Variants in CSMD3 observed in about 807,000 individuals in gnomAD.
CSMD3 encodes the protein CUB and Sushi multiple domains 3.
CSMD3 carries 177 observed loss-of-function variants against 435.2 expected under a neutral mutation model. The ratio of observed to expected loss-of-function variants is 0.41; its 90% CI spans 0.36 to 0.46. CSMD3 has a LOEUF of 0.46. Ranked by LOEUF, CSMD3 falls within the 20% of genes least tolerant of loss-of-function variation. The pLI is 0.34. For missense variants in CSMD3, 4,265 were observed against 4,504.6 expected (o/e 0.95, Z 1.52); for synonymous variants, 1,656 against 1,520.5 (o/e 1.09, Z -2.07).
rs1368908679 is a variant in CSMD3, at chr8:112,383,498, T to C, written c.6031+69A>G. ...AAAACTACCAAGTAAGAGTTGTAGA[T>C]AGCTCTTTAATTTTTTTTATATTCC... On this transcript the variant is annotated intron_variant, in intron 37 of 70. Transcript: ENST00000297405. The C allele has an allele frequency of 4.7e-6, 4 of 855,496 alleles. 1 individual carries two copies. The highest frequency in any genetic ancestry group is 2.4e-4 in the Middle Eastern group (1 of 4,108). The allele number at this position is 855,496 out of a possible 1,614,324, so 53.0% of individuals were successfully genotyped here.
chr8:112,313,367 A>T (rs1822162357), intron 49 of CSMD3, among the ~76,000 whole-genome samples: 1 of 152,112 alleles, frequency 6.6e-6, no homozygotes. Context: ...ATATTTTAGC[A>T]AGTATCACAA....
chr8:112,231,664 A>T, intron 68 of CSMD3, 32 bp from the exon 69 acceptor site: 4 of 1,191,776 alleles, frequency 3.4e-6, no homozygotes, highest in Non-Finnish European at 5.0e-6. Context: ...AATATACTTG[A>T]ATACTGGCCA....
chr8:112,471,556 T>C (rs1287697925), intron 32 of CSMD3, among the ~76,000 whole-genome samples: 1 of 152,176 alleles, frequency 6.6e-6, no homozygotes, highest in Non-Finnish European at 1.5e-5. Flanking sequence ...TAGTACTACA[T>C]TTCTGATGAC....
chr8:112,305,861 A>C (rs183190776), intron 51 of CSMD3, 146 bp downstream of exon 51: 1 of 734,668 alleles, frequency 1.4e-6, no homozygotes, highest in East Asian at 2.7e-5. Context: ...TTCATTGTAC[A>C]AGATAGCTTA....
chr8:112,610,611 A>G (rs1018308993), intron 22 of CSMD3, among the ~76,000 whole-genome samples: 2 of 152,148 alleles, frequency 1.3e-5, no homozygotes, highest in Admixed American at 6.5e-5. Context: ...ATGTCCAAAG[A>G]CCATTTTTAC....
chr8:112,642,084 A>T (rs1365666171), intron 20 of CSMD3, among the ~76,000 whole-genome samples: 1 of 152,094 alleles, frequency 6.6e-6, no homozygotes, highest in Non-Finnish European at 1.5e-5. Context: ...TTATGTTTAT[A>T]TATATATATA....
At chr8:112,674,972 T>C (rs866781058) in intron 16 of CSMD3, among the ~76,000 whole-genome samples, 22 of 152,122 alleles carry the variant, frequency 1.4e-4, no homozygotes, top group African/African-American at 4.6e-4. Context: ...TAGATCTCCC[T>C]AGCTTTTGCT....
intron 11 of CSMD3, among the ~76,000 whole-genome samples, chr8:112,855,373 T>C (rs1383732207): frequency 3.3e-5 from 5 of 152,174 alleles, no homozygotes; most frequent in Admixed American, 1.3e-4. Flanking sequence ...ATTTTAAATA[T>C]AGTTTTCTCA....
intron 4 of CSMD3, among the ~76,000 whole-genome samples, chr8:113,116,764 T>C (rs1422452397): frequency 6.6e-6 from 1 of 152,124 alleles, no homozygotes; most frequent in Non-Finnish European, 1.5e-5. Context: ...TTGACAAAAA[T>C]GCTGATAGTG....
At chr8:112,291,463 G>A (rs1819755927) in intron 56 of CSMD3, 47 bp downstream of exon 56, 1 of 1,241,430 alleles carries the variant, frequency 8.1e-7, no homozygotes, top group Non-Finnish European at 1.2e-6. Flanking sequence ...ACATTCCTAT[G>A]GTTTCCATGA....
intron 8 of CSMD3, among the ~76,000 whole-genome samples, chr8:112,953,580 A>C (rs559564491): frequency 9.9e-4 from 150 of 151,544 alleles, no homozygotes; most frequent in African/African-American, 3.4e-3. Flanking sequence ...TAATATTCTC[A>C]AGTCTAACTA....
intron 4 of CSMD3, among the ~76,000 whole-genome samples, chr8:113,151,120 TTAG>T (rs1359543100): frequency 1.3e-5 from 2 of 152,024 alleles, no homozygotes; most frequent in South Asian, 4.1e-4. Context: ...AAAAGTGAAG[TTAG>T]TAGGTGAAAA....
rs116932472 is a variant in CSMD3, at chr8:113,360,904, T to C, written c.179-46111A>G. 3.5e-4 allele frequency among the ~76,000 whole-genome samples: 53 copies of C among 152,278 alleles called. 2 individuals carry two copies. In the East Asian group the frequency reaches 0.01, roughly 29 times the overall value. On this transcript the variant is annotated intron_variant, in intron 1 of 70. Transcript: ENST00000297405. ...TCAGTCTTAATGAAATTTCCTTGTC[T>C]AGCAATGGGATGCTAATGGATTCAA...
At chr8:112,389,270 G>A (rs1308745181) in intron 36 of CSMD3, among the ~76,000 whole-genome samples, 5 of 152,116 alleles carry the variant, frequency 3.3e-5, no homozygotes, top group African/African-American at 9.7e-5. Context: ...ATATATAGAT[G>A]CTCTTGAATA....
chr8:112,253,231 C>G (rs1815448203), intron 63 of CSMD3, among the ~76,000 whole-genome samples: 1 of 151,822 alleles, frequency 6.6e-6, no homozygotes, highest in African/African-American at 2.4e-5. Context: ...GCTAGTTGCC[C>G]ATTTTTCAGG....
chr8:112,616,453 T>C (rs1833670477), intron 22 of CSMD3, among the ~76,000 whole-genome samples: 1 of 152,150 alleles, frequency 6.6e-6, no homozygotes, highest in South Asian at 2.1e-4. Flanking sequence ...CTATGGGCAT[T>C]TATTGAATGC....
At chr8:113,069,641 A>G (rs1564278324) in intron 5 of CSMD3, among the ~76,000 whole-genome samples, 1 of 152,108 alleles carries the variant, frequency 6.6e-6, no homozygotes, top group East Asian at 1.9e-4. Flanking sequence ...AAAGTGCCTT[A>G]GAAGAAAGAT....
chr8:112,920,641 G>T (rs1587673339), intron 10 of CSMD3, among the ~76,000 whole-genome samples: 1 of 151,822 alleles, frequency 6.6e-6, no homozygotes, highest in East Asian at 1.9e-4. Context: ...TAAAGATGAT[G>T]ATATTTACAC....
At chr8:112,236,172 A>G (rs1168827548) in intron 67 of CSMD3, among the ~76,000 whole-genome samples, 1 of 151,386 alleles carries the variant, frequency 6.6e-6, no homozygotes, top group African/African-American at 2.4e-5. Flanking sequence ...TATAAAATCA[A>G]TGAATATAAT....
Sources: allele counts gnomAD v4.1 joint callset (sites outside exome capture counted in the v4.1 genomes callset), GRCh38; gene constraint gnomAD v4.1.1; transcripts MANE v1.5; gene names NCBI Gene and HGNC (gene_info 2026-07-23, HGNC 2026-07-21).